Variants in CLSTN2 observed in about 807,000 individuals in gnomAD.
CLSTN2 encodes calsyntenin-2.
CLSTN2 carries 48 observed loss-of-function variants against 101.2 expected under a neutral mutation model. The ratio of observed to expected loss-of-function variants is 0.47; its 90% CI spans 0.38 to 0.60. The LOEUF (loss-of-function observed/expected upper bound fraction) is 0.60, where lower values mean the gene tolerates loss of function less well. Among genes scored for constraint, CLSTN2 ranks in the 20% least tolerant of loss-of-function variants. The pLI is 0.00. For synonymous variants in CLSTN2, 481 were observed against 463.6 expected (o/e 1.04, Z -0.48); for missense variants, 1,160 against 1,238.2 (o/e 0.94, Z 0.95).
chr3:140,484,544 T>C (rs1484505554), intron 8 of CLSTN2, among the ~76,000 whole-genome samples: 1 of 152,164 alleles, frequency 6.6e-6, no homozygotes, highest in Non-Finnish European at 1.5e-5. Flanking sequence ...TCCTGGATAA[T>C]ATCCTGCAGA....
intron 2 of CLSTN2, among the ~76,000 whole-genome samples, chr3:140,281,730 T>C (rs538140517): frequency 2.1e-5 from 3 of 145,376 alleles, no homozygotes; most frequent in South Asian, 4.6e-4. Context: ...AGTCTTCTGA[T>C]TGAAATTAAT....
intron 1 of CLSTN2, among the ~76,000 whole-genome samples, chr3:140,161,298 A>G (rs1456324172): frequency 2.0e-5 from 3 of 152,184 alleles, no homozygotes; most frequent in Non-Finnish European, 4.4e-5. Context: ...GAAGTTCCTC[A>G]CAATGCTTTT....
In CLSTN2 at chr3:140,154,402, A is replaced by T. The variant is rs148248667; in HGVS notation, c.110-21549A>T. Among the ~76,000 whole-genome samples the T allele has an allele frequency of 6.8e-4, 103 of 152,222 alleles. No homozygotes were observed. In the East Asian group the frequency reaches 0.017, roughly 25 times the overall value. ...GGTAGGAGATGAGTTAGGAGTGGGT[A>T]TAATAAACCATGAGAAGTACTTTGG... On this transcript the variant is annotated intron_variant, in intron 1 of 16. Transcript: ENST00000458420.
At chr3:140,106,170 C>A (rs947781687) in intron 1 of CLSTN2, among the ~76,000 whole-genome samples, 1 of 152,166 alleles carries the variant, frequency 6.6e-6, no homozygotes, top group Non-Finnish European at 1.5e-5. Flanking sequence ...AGCATACCTT[C>A]CCTGAGTAAC....
rs1935153973 is a variant in CLSTN2, at chr3:140,526,847, A to G, written c.1345-5477A>G. ...ATAAACAATGGAATAAGGACACTCT[A>G]TTCAATGAATGGTGTTGGGATAACG... On this transcript the variant is annotated intron_variant, in intron 8 of 16. Transcript: ENST00000458420. Among the ~76,000 whole-genome samples, 4 of 152,300 alleles carry G rather than the reference A, an allele frequency of 2.6e-5. 1 individual carries two copies. In the South Asian group the frequency reaches 8.3e-4, roughly 32 times the overall value.
At chr3:140,052,969 T>C (rs952648243) in intron 1 of CLSTN2, among the ~76,000 whole-genome samples, 1 of 152,164 alleles carries the variant, frequency 6.6e-6, no homozygotes, top group Non-Finnish European at 1.5e-5. Context: ...AGGCTGTTTG[T>C]AGGGACAGAC....
chr3:140,407,759 A>G (rs1424606702), intron 4 of CLSTN2, among the ~76,000 whole-genome samples: 1 of 152,188 alleles, frequency 6.6e-6, no homozygotes, highest in African/African-American at 2.4e-5. Flanking sequence ...TGAGATAAGT[A>G]GAGCTTGGGT....
At chr3:140,272,651 C>T (rs985371040) in intron 2 of CLSTN2, among the ~76,000 whole-genome samples, 1 of 152,146 alleles carries the variant, frequency 6.6e-6, no homozygotes, top group African/African-American at 2.4e-5. Context: ...ATTTGGGAGG[C>T]TGAGGCAGGA....
intron 2 of CLSTN2, among the ~76,000 whole-genome samples, chr3:140,387,335 C>G (rs1481552116): frequency 6.6e-6 from 1 of 152,118 alleles, no homozygotes; most frequent in South Asian, 2.1e-4. Flanking sequence ...AGAGAGAATT[C>G]TCTGTTAGTT....
chr3:140,027,997 C>T (rs2007457827), intron 1 of CLSTN2, among the ~76,000 whole-genome samples: 1 of 152,110 alleles, frequency 6.6e-6, no homozygotes, highest in Non-Finnish European at 1.5e-5. Context: ...ATCCTATCAC[C>T]CTCCCATGCA....
intron 1 of CLSTN2, among the ~76,000 whole-genome samples, chr3:140,133,501 A>T (rs888791704): frequency 6.6e-6 from 1 of 152,220 alleles, no homozygotes; most frequent in Admixed American, 6.5e-5. Context: ...GAAACCTGGA[A>T]GCAGTTGGCA....
At chr3:139,959,142 C>T (rs893933513) in intron 1 of CLSTN2, among the ~76,000 whole-genome samples, 9 of 152,238 alleles carry the variant, frequency 5.9e-5, no homozygotes, top group African/African-American at 1.7e-4. Flanking sequence ...TTCTGGCACA[C>T]GTCTTCTGTC....
At chr3:140,534,672 T>C (rs2107780757) in intron 9 of CLSTN2, among the ~76,000 whole-genome samples, 1 of 152,318 alleles carries the variant, frequency 6.6e-6, no homozygotes, top group East Asian at 1.9e-4. Flanking sequence ...CACAAACTCT[T>C]AAAACTTCCA....
At chr3:139,981,145 T>C (rs1436854830) in intron 1 of CLSTN2, among the ~76,000 whole-genome samples, 2 of 152,174 alleles carry the variant, frequency 1.3e-5, no homozygotes, top group Non-Finnish European at 2.9e-5. Context: ...ATCTCTTTTC[T>C]CACAACTTTT....
intron 8 of CLSTN2, among the ~76,000 whole-genome samples, chr3:140,496,167 A>C (rs1438604047): frequency 1.3e-5 from 2 of 152,120 alleles, no homozygotes; most frequent in African/African-American, 4.8e-5. Context: ...TTCTCCTTGA[A>C]GAGGTCTTTC....
chr3:140,424,867 G>A (rs2088546958), intron 5 of CLSTN2, among the ~76,000 whole-genome samples: 1 of 152,122 alleles, frequency 6.6e-6, no homozygotes, highest in Non-Finnish European at 1.5e-5. Context: ...CAAGATTGGA[G>A]GGGCCTGTGG....
chr3:139,973,257 G>A (rs888207063), intron 1 of CLSTN2, among the ~76,000 whole-genome samples: 1 of 152,208 alleles, frequency 6.6e-6, no homozygotes, highest in Non-Finnish European at 1.5e-5. Flanking sequence ...CATCTCCATG[G>A]CTGCCTTGGA....
chr3:140,568,853 A>T lies in CLSTN2; in HGVS notation c.*2600A>T, dbSNP rs1985418958. On this transcript the variant is annotated 3_prime_UTR_variant, in exon 17 of 17. Transcript: ENST00000458420. ...GGGTTTTTTTGGTAGGGGGGGTAGCAGGTAAAGGTGGCCCATGGCTAGGGC... is the reference window on the plus strand; with the variant it reads ...GGGTTTTTTTGGTAGGGGGGGTAGCTGGTAAAGGTGGCCCATGGCTAGGGC... The T allele has an allele frequency of 6.6e-6, 1 of 152,222 alleles. No individual in the cohort carries two copies. The highest frequency in any genetic ancestry group is 2.1e-4 in the South Asian group (1 of 4,816). 9.4% of individuals were successfully genotyped at this position (152,222 alleles called of 1,614,324 possible).
At chr3:140,265,176 A>G (rs1040281254) in intron 2 of CLSTN2, among the ~76,000 whole-genome samples, 1 of 152,208 alleles carries the variant, frequency 6.6e-6, no homozygotes, top group Non-Finnish European at 1.5e-5. Flanking sequence ...ATTGGGCCCA[A>G]ACAGTGAAGC....
Sources: gnomAD v4.1 joint callset for allele counts (sites outside exome capture counted in the v4.1 genomes callset) on GRCh38, gnomAD v4.1.1 for gene constraint, MANE v1.5 for transcripts, NCBI Gene and HGNC (gene_info 2026-07-23, HGNC 2026-07-21) for gene names.